NRXN1: variants seen among roughly 807,000 people sequenced by gnomAD.
NRXN1 encodes the protein neurexin-1.
NRXN1 carries 39 observed loss-of-function variants against 150.9 expected under a neutral mutation model. The ratio of observed to expected loss-of-function variants is 0.26; its 90% confidence interval spans 0.20 to 0.34. The LOEUF is 0.34. Among genes scored for constraint, NRXN1 ranks in the 10% least tolerant of loss-of-function variants. NRXN1 has a pLI of 1.00. For synonymous variants in NRXN1, 924 were observed against 757.0 expected (o/e 1.22, Z -3.62); for missense variants, 1,815 against 1,949.9 (o/e 0.93, Z 1.30).
chr2:50,290,874 C>T (rs1369123801), intron 17 of NRXN1, among the ~76,000 whole-genome samples: 1 of 152,128 alleles, frequency 6.6e-6, no homozygotes, highest in African/African-American at 2.4e-5. Flanking sequence ...GACAGTCTGA[C>T]TGAATAATGA....
chr2:49,953,758 A>G (rs1246849962), intron 21 of NRXN1, among the ~76,000 whole-genome samples: 1 of 152,064 alleles, frequency 6.6e-6, no homozygotes, highest in Non-Finnish European at 1.5e-5. Context: ...GACATTTTGG[A>G]AAGTGTAAAA....
intron 5 of NRXN1, among the ~76,000 whole-genome samples, chr2:50,750,893 A>G (rs957831575): frequency 4.6e-5 from 7 of 152,068 alleles, no homozygotes; most frequent in African/African-American, 1.7e-4. Context: ...ATAATGGAGA[A>G]TGCATATTTC....
intron 17 of NRXN1, among the ~76,000 whole-genome samples, chr2:50,285,528 G>C (rs552110385): frequency 1.3e-5 from 2 of 152,106 alleles, no homozygotes; most frequent in Non-Finnish European, 2.9e-5. Context: ...GCAAACCCCT[G>C]CAAATATGGG....
At chr2:50,059,609 C>G (rs1260428162) in intron 19 of NRXN1, among the ~76,000 whole-genome samples, 1 of 152,192 alleles carries the variant, frequency 6.6e-6, no homozygotes, top group East Asian at 1.9e-4. Context: ...TGTCAGACAT[C>G]TTCACAACAG....
chr2:50,358,592 T>C (rs187923368), intron 17 of NRXN1, among the ~76,000 whole-genome samples: 189 of 152,314 alleles, frequency 1.2e-3, no homozygotes, highest in African/African-American at 4.2e-3. Context: ...CAGGAACTTA[T>C]AGATAAAACT....
chr2:50,022,332 C>G (rs1055513809), intron 21 of NRXN1, among the ~76,000 whole-genome samples: 2 of 152,106 alleles, frequency 1.3e-5, no homozygotes, highest in Non-Finnish European at 2.9e-5. Flanking sequence ...TTGTTCCAGT[C>G]CTGGATATTA....
In NRXN1 at chr2:49,934,528, G is replaced by T. The variant is rs868745842; in HGVS notation, c.4216+9176C>A. ...GCTATTTCTGTCTCAATTTTCTTTT[G>T]TTGGGAAAAAGATCAGATTCTTTTT... On this transcript the variant is annotated intron_variant, in intron 22 of 22. Coordinates refer to ENST00000401669, the MANE Select transcript of NRXN1 (RefSeq NM_001330078.2). 1.1e-4 allele frequency among the ~76,000 whole-genome samples: 17 copies of T among 152,220 alleles called. No individual in the cohort carries two copies. The East Asian group carries it at 2.1e-3, about 19-fold the overall frequency.
At chr2:50,585,797 G>GATTC (rs1435966450) in intron 8 of NRXN1, among the ~76,000 whole-genome samples, 1 of 152,120 alleles carries the variant, frequency 6.6e-6, no homozygotes, top group Non-Finnish European at 1.5e-5. Context: ...TCATTCAGAT[G>GATTC]ATTCATTCAT....
rs117103048 is a variant in NRXN1 at position 50,393,208 on chromosome 2, T to C, written c.3364+72234A>G. On this transcript the variant is annotated intron_variant, in intron 17 of 22. Transcript: ENST00000401669. Reference sequence around the variant, plus strand: ...TAAAACATATGTATACTGGATGTTTTCCTTCTTTGAAACAATTTATTTCTT... The same window carrying C: ...TAAAACATATGTATACTGGATGTTTCCCTTCTTTGAAACAATTTATTTCTT... Among the ~76,000 whole-genome samples the C allele has an allele frequency of 8.3e-3, 1,266 of 152,184 alleles. 42 individuals are homozygous for C. In the East Asian group the frequency reaches 0.12, roughly 14 times the overall value.
At chr2:50,449,936 C>G (rs2086807555) in intron 17 of NRXN1, among the ~76,000 whole-genome samples, 1 of 152,146 alleles carries the variant, frequency 6.6e-6, no homozygotes, top group Non-Finnish European at 1.5e-5. Context: ...GAAGCTGACT[C>G]TCAGATATGT....
chr2:50,110,169 T>C (rs1402940381), intron 18 of NRXN1, among the ~76,000 whole-genome samples: 2 of 151,936 alleles, frequency 1.3e-5, no homozygotes, highest in African/African-American at 4.8e-5. Flanking sequence ...CAAGAGAACA[T>C]CAGCTATCCC....
intron 18 of NRXN1, among the ~76,000 whole-genome samples, chr2:50,180,905 T>C (rs947621796): frequency 1.3e-5 from 2 of 152,174 alleles, no homozygotes; most frequent in African/African-American, 2.4e-5. Flanking sequence ...CTTAATTTTT[T>C]TAAAAACAGT....
At chr2:50,861,177 G>A (rs1022856613) in intron 5 of NRXN1, among the ~76,000 whole-genome samples, 11 of 151,978 alleles carry the variant, frequency 7.2e-5, no homozygotes, top group African/African-American at 2.7e-4. Flanking sequence ...CTTTCAGATT[G>A]GTACTTGTCA....
chr2:50,060,999 T>A (rs1694443373), intron 19 of NRXN1, among the ~76,000 whole-genome samples: 1 of 152,174 alleles, frequency 6.6e-6, no homozygotes, highest in South Asian at 2.1e-4. Context: ...CCTTCCACCA[T>A]TAGGTATAAA....
intron 17 of NRXN1, among the ~76,000 whole-genome samples, chr2:50,412,106 T>C (rs942265999): frequency 2.2e-4 from 33 of 152,124 alleles, no homozygotes; most frequent in Non-Finnish European, 4.4e-4. Flanking sequence ...AAACAGATGC[T>C]TGAAGGCAGC....
chr2:50,939,186 G>C (rs1173014867), intron 2 of NRXN1, among the ~76,000 whole-genome samples: 1 of 135,412 alleles, frequency 7.4e-6, no homozygotes, highest in Admixed American at 8.1e-5. Context: ...ACTCTAGCCT[G>C]GGCAACAGAG....
chr2:50,534,985 A>G (rs1309932028), intron 10 of NRXN1, among the ~76,000 whole-genome samples: 1 of 152,210 alleles, frequency 6.6e-6, no homozygotes, highest in African/African-American at 2.4e-5. Flanking sequence ...TAACATAGTA[A>G]AGTAATAAAA....
chr2:50,969,315 G>C (rs1694638613), intron 2 of NRXN1, among the ~76,000 whole-genome samples: 1 of 151,862 alleles, frequency 6.6e-6, no homozygotes, highest in African/African-American at 2.4e-5. Flanking sequence ...TTCCAGTCTA[G>C]AACACTGCCT....
chr2:50,022,257 C>T (rs913412025), intron 21 of NRXN1, among the ~76,000 whole-genome samples: 4 of 152,262 alleles, frequency 2.6e-5, no homozygotes, highest in East Asian at 1.9e-4. Context: ...GCTGGGATTA[C>T]AGGCATGAGC....
Sources: allele counts gnomAD v4.1 joint callset (sites outside exome capture counted in the v4.1 genomes callset), GRCh38; gene constraint gnomAD v4.1.1; transcripts MANE v1.5; gene names NCBI Gene and HGNC (gene_info 2026-07-23, HGNC 2026-07-21).